Variants in NRF1 observed in about 807,000 individuals in gnomAD.
NRF1 encodes the protein alpha palindromic-binding protein.
NRF1 carries 5 observed loss-of-function variants against 58.5 expected under a neutral mutation model. That is an observed-to-expected ratio of 0.09 (90% CI 0.04 to 0.18). The LOEUF is 0.18. NRF1 is among the 10% of genes least tolerant of loss of function. NRF1 has a pLI of 1.00. For synonymous variants in NRF1, 224 were observed against 246.7 expected (o/e 0.91, Z 0.86); for missense variants, 288 against 657.7 (o/e 0.44, Z 6.15).
At chr7:129,696,308 C>G (rs547584677) in intron 5 of NRF1, among the ~76,000 whole-genome samples, 7 of 152,216 alleles carry the variant, frequency 4.6e-5, no homozygotes, top group African/African-American at 1.7e-4. Context: ...TTGTTTTACG[C>G]AAAGATTACT....
rs1804222526 is a variant in NRF1 at position 129,755,155 on chromosome 7, G to T, written c.1486G>T (p.Val496Leu). The change falls in exon 11 of 11, where the codon GTG becomes TTG. Residue 496 changes from valine to leucine, a missense_variant. Around this residue, in one of 3 missense-constraint regions of NRF1, gnomAD observed 28 missense variants for 32.6 expected, o/e 0.86. Transcript: ENST00000393232. The surrounding 1 kb of genome is among the most constrained non-coding windows in gnomAD (Gnocchi z 5.8). ...CGCAGTCACCATGGACGGCCAAGCT[G>T]TGGAGGTGGTGACATTGGAACAGTG... ...DSAVTMDGQA[V>L]EVVTLEQ 6.2e-7 allele frequency: 1 copy of T among 1,612,544 alleles called. No individual in the cohort carries two copies.
chr7:129,640,946 C>A (rs533936282), intron 1 of NRF1, among the ~76,000 whole-genome samples: 1 of 152,176 alleles, frequency 6.6e-6, no homozygotes, highest in Admixed American at 6.5e-5. Context: ...GTAAACAGTT[C>A]CAGATTTTTC....
intron 5 of NRF1, among the ~76,000 whole-genome samples, chr7:129,701,883 T>G (rs1332390391): frequency 3.3e-5 from 5 of 152,220 alleles, no homozygotes; most frequent in Non-Finnish European, 7.3e-5. Context: ...ACTAGGCAAC[T>G]GTTTTTAAAA....
Position 129,755,226 on chromosome 7 carries a change from T to G in NRF1, c.*45T>G. 6.7e-7 allele frequency: 1 copy of G among 1,490,782 alleles called. No homozygotes were observed. The highest frequency in any genetic ancestry group is 9.0e-7 in the Non-Finnish European group (1 of 1,112,412). 92.3% of individuals were successfully genotyped at this position (1,490,782 alleles called of 1,614,324 possible). ...ATCGTTTTCTAGTCTACTTCAAAAT[T>G]TTTTACACGTTTGCAGAGGTGCAAT... On this transcript the variant is annotated 3_prime_UTR_variant, in exon 11 of 11. Coordinates refer to ENST00000393232, the MANE Select transcript of NRF1 (RefSeq NM_005011.5). This position sits in a 1 kb window ranked among gnomAD's most constrained non-coding sequence, Gnocchi z 5.8.
intron 1 of NRF1, among the ~76,000 whole-genome samples, chr7:129,639,849 C>T (rs552534496): frequency 6.6e-6 from 1 of 152,006 alleles, no homozygotes; most frequent in East Asian, 1.9e-4. Context: ...CGCTCTTCCG[C>T]CCCCCCTTTT....
chr7:129,627,997 G>A (rs1426950258), intron 1 of NRF1, among the ~76,000 whole-genome samples: 1 of 127,930 alleles, frequency 7.8e-6, no homozygotes, highest in Admixed American at 7.7e-5. Flanking sequence ...TATTATTTGT[G>A]TTTTTTTCTC....
chr7:129,624,255 G>A (rs1278535144), intron 1 of NRF1, among the ~76,000 whole-genome samples: 3 of 152,018 alleles, frequency 2.0e-5, no homozygotes. Context: ...TTCATCATAG[G>A]TGGTCATATA....
intron 1 of NRF1, among the ~76,000 whole-genome samples, chr7:129,640,516 G>T (rs1442594528): frequency 6.6e-6 from 1 of 151,992 alleles, no homozygotes; most frequent in East Asian, 1.9e-4. Context: ...TCTCTTAAAA[G>T]ACAAAACCCA....
chr7:129,619,736 GTTT>G (rs34136401), intron 1 of NRF1, among the ~76,000 whole-genome samples: 1 of 125,660 alleles, frequency 8.0e-6, no homozygotes, highest in Non-Finnish European at 1.6e-5. Flanking sequence ...TGTTTGGGTT[GTTT>G]TTTTTTTTTT....
intron 9 of NRF1, among the ~76,000 whole-genome samples, chr7:129,720,293 C>T (rs1302037603): frequency 1.3e-5 from 2 of 152,128 alleles, no homozygotes; most frequent in Admixed American, 6.5e-5. Context: ...CTGAACCCAA[C>T]AGAGGTAACC....
At chr7:129,727,125 G>A in intron 9 of NRF1, 116 bp from the exon 10 acceptor site, 1 of 1,066,440 alleles carries the variant, frequency 9.4e-7, no homozygotes, top group Non-Finnish European at 1.3e-6. Context: ...TTGCTGGTAG[G>A]ATCACAACCA....
At chr7:129,695,618 C>T (rs1802673640) in intron 5 of NRF1, among the ~76,000 whole-genome samples, 2 of 145,982 alleles carry the variant, frequency 1.4e-5, no homozygotes, top group South Asian at 2.2e-4. Flanking sequence ...AGTAGCATTT[C>T]TTATATACTG....
At chr7:129,722,781 C>T (rs183977459) in intron 9 of NRF1, among the ~76,000 whole-genome samples, 2 of 152,224 alleles carry the variant, frequency 1.3e-5, no homozygotes, top group East Asian at 3.9e-4. Flanking sequence ...CTGCCCTCTC[C>T]CTTCACTGCC....
At position 129,756,502 on chromosome 7, in the gene NRF1, T is replaced by C. The variant is rs13241028; in HGVS notation, c.*1321T>C. On this transcript the variant is annotated 3_prime_UTR_variant, in exon 11 of 11. Transcript: ENST00000393232. ...GAGCAGCTTGCCTCCTCAGAGGTGT[T>C]GACTATCTGGGTGTTCTTGGTAACC... is the stretch of plus-strand genomic sequence containing the variant. 25,551 of 152,566 alleles carry C rather than the reference T, an allele frequency of 0.17. 2,456 individuals are homozygous for C. The highest frequency in any genetic ancestry group is 0.25 in the Admixed American group (3,809 of 15,280). The allele number at this position is 152,566 out of a possible 1,614,324, so 9.5% of individuals were successfully genotyped here.
intron 4 of NRF1, among the ~76,000 whole-genome samples, chr7:129,680,444 G>A (rs1321372160): frequency 6.6e-6 from 1 of 152,160 alleles, no homozygotes; most frequent in African/African-American, 2.4e-5. Context: ...CTATTCCTAA[G>A]TTATACCCAA....
chr7:129,736,723 C>T (rs185427770), intron 10 of NRF1, among the ~76,000 whole-genome samples: 3 of 151,032 alleles, frequency 2.0e-5, no homozygotes, highest in African/African-American at 7.3e-5. Context: ...CACCCCCACC[C>T]CCACCCCTGT....
chr7:129,623,381 T>G (rs1457768525), intron 1 of NRF1, among the ~76,000 whole-genome samples: 1 of 370 alleles, frequency 2.7e-3, no homozygotes, highest in African/African-American at 2.8e-3. Flanking sequence ...AAAATACCTG[T>G]TTTTTTTTTT....
intron 2 of NRF1, among the ~76,000 whole-genome samples, chr7:129,664,856 A>G (rs1332416778): frequency 6.6e-6 from 1 of 152,252 alleles, no homozygotes. Context: ...ACTATGCACA[A>G]GGCAGGCAAG....
At chr7:129,629,036 A>C (rs1381425780) in intron 1 of NRF1, among the ~76,000 whole-genome samples, 2 of 152,216 alleles carry the variant, frequency 1.3e-5, no homozygotes, top group African/African-American at 2.4e-5. Context: ...TAGCAGATAC[A>C]AGTTTTCCGA....
Sources: allele counts gnomAD v4.1 joint callset (sites outside exome capture counted in the v4.1 genomes callset), GRCh38; gene constraint gnomAD v4.1.1; regional missense constraint gnomAD v4.1.1; non-coding constraint Gnocchi (gnomAD v3.1); transcripts MANE v1.5; gene names NCBI Gene and HGNC (gene_info 2026-07-23, HGNC 2026-07-21).